The following VAV2 variants were observed in gnomAD, a reference collection of about 807,000 sequenced individuals.
The protein encoded by VAV2 is vav guanine nucleotide exchange factor 2.
VAV2 carries 67 observed loss-of-function variants against 132.5 expected under a neutral mutation model. The observed-to-expected ratio is 0.51, with a 90% CI of 0.42 to 0.62. VAV2 has a LOEUF of 0.62. Among genes scored for constraint, VAV2 ranks in the 20% least tolerant of loss-of-function variants. VAV2 has a pLI of 0.00. For synonymous variants in VAV2, 492 were observed against 443.5 expected, an observed-to-expected ratio of 1.11 and a Z score of -1.37; for missense variants, 938 against 1,153.6, an observed-to-expected ratio of 0.81 and a Z score of 2.71.
chr9:133,770,316 G>A, intron 27 of VAV2, 62 bp downstream of exon 27: 15 of 1,606,718 alleles, frequency 9.3e-6, no homozygotes, highest in Middle Eastern at 1.8e-4. Context: ...TGAGCCCTGG[G>A]AAGTGGGCCA....
intron 21 of VAV2, 148 bp from the exon 22 acceptor site, chr9:133,779,037 C>T: frequency 3.0e-6 from 3 of 1,007,756 alleles, no homozygotes; most frequent in Non-Finnish European, 4.3e-6. Context: ...TAAATCCTTC[C>T]CATAAGCCTC....
At chr9:133,852,197 G>C (rs539915425) in intron 3 of VAV2, among the ~76,000 whole-genome samples, 1 of 151,954 alleles carries the variant, frequency 6.6e-6, no homozygotes, top group African/African-American at 2.4e-5. Flanking sequence ...GGGACGGATG[G>C]ACAGACTGAT....
chr9:133,818,200 T>G (rs897834645), intron 4 of VAV2, among the ~76,000 whole-genome samples: 5 of 150,588 alleles, frequency 3.3e-5, no homozygotes, highest in Non-Finnish European at 7.4e-5. Flanking sequence ...CCGTCTCTAC[T>G]AAAAAAATAC....
At chr9:133,985,492 G>A (rs2132305482) in intron 1 of VAV2, among the ~76,000 whole-genome samples, 1 of 152,254 alleles carries the variant, frequency 6.6e-6, no homozygotes, top group South Asian at 2.1e-4. Context: ...ATATTGGCCA[G>A]ACTGGTCTCA....
At chr9:133,893,092 G>A (rs573969676) in intron 2 of VAV2, among the ~76,000 whole-genome samples, 7 of 152,196 alleles carry the variant, frequency 4.6e-5, no homozygotes, top group Non-Finnish European at 7.3e-5. Flanking sequence ...AGGACAGCAC[G>A]GTCCAAGATC....
intron 2 of VAV2, among the ~76,000 whole-genome samples, chr9:133,932,186 G>A (rs942497571): frequency 3.9e-5 from 6 of 152,202 alleles, no homozygotes; most frequent in African/African-American, 1.2e-4. Context: ...CGCCAGAGCT[G>A]GCGACCCATG....
intron 3 of VAV2, among the ~76,000 whole-genome samples, chr9:133,835,982 CCATACAGCAG>C (rs887066442): frequency 6.6e-5 from 10 of 152,218 alleles, no homozygotes; most frequent in Admixed American, 1.3e-4. Flanking sequence ...CCACCCATCA[CCATACAGCAG>C]CATCCCCCAG....
rs942664306 is a variant in VAV2, at chr9:133,794,644, C to G, written c.1101+1024G>C. Among the ~76,000 whole-genome samples, 3 of 152,122 alleles carry G rather than the reference C, an allele frequency of 2.0e-5. No individual in the cohort carries two copies. The highest frequency in any genetic ancestry group is 7.2e-5 in the African/African-American group (3 of 41,430). On this transcript the variant is annotated intron_variant, in intron 12 of 29. Coordinates refer to ENST00000371850, the MANE Select transcript of VAV2 (RefSeq NM_001134398.2). The surrounding 1 kb of genome is among the most constrained non-coding windows in gnomAD (Gnocchi z 4.6). Reference sequence around the variant, plus strand: ...AGGGCAGGGGCCAGGTGTCAGAGGGCAGGACTGCAGCCCTGAGGGGGGCTG... The same window carrying G: ...AGGGCAGGGGCCAGGTGTCAGAGGGGAGGACTGCAGCCCTGAGGGGGGCTG...
At chr9:133,789,156 C>T in intron 14 of VAV2, 102 bp downstream of exon 14, 1 of 1,273,230 alleles carries the variant, frequency 7.9e-7, no homozygotes, top group Non-Finnish European at 1.1e-6. Context: ...GCTCTTTCCA[C>T]AGGAAGGCCT....
At chr9:133,865,711 TTC>T (rs1463527108) in intron 2 of VAV2, among the ~76,000 whole-genome samples, 1 of 152,234 alleles carries the variant, frequency 6.6e-6, no homozygotes. Flanking sequence ...GCTGATTTGT[TTC>T]TTTTTGAGCA....
At chr9:133,937,359 A>G in intron 2 of VAV2, among the ~76,000 whole-genome samples, 1 of 148,826 alleles carries the variant, frequency 6.7e-6, no homozygotes, top group Non-Finnish European at 1.5e-5. Flanking sequence ...AAGTGTGTGT[A>G]TGTGTGTTTG....
At chr9:133,797,040 C>T (rs1474065073) in intron 10 of VAV2, among the ~76,000 whole-genome samples, 1 of 152,194 alleles carries the variant, frequency 6.6e-6, no homozygotes, top group Non-Finnish European at 1.5e-5. Flanking sequence ...TACTGGGGGG[C>T]CACGCTGCCT....
intron 2 of VAV2, among the ~76,000 whole-genome samples, chr9:133,887,656 A>T (rs535378293): frequency 1.4e-4 from 22 of 152,036 alleles, no homozygotes; most frequent in African/African-American, 5.1e-4. Context: ...GACCCTCCCC[A>T]ACCCCAGCAC....
intron 3 of VAV2, among the ~76,000 whole-genome samples, chr9:133,853,461 T>C (rs1316110147): frequency 6.6e-6 from 1 of 152,118 alleles, no homozygotes; most frequent in Non-Finnish European, 1.5e-5. Flanking sequence ...CTGCTGACGC[T>C]TGCTTGTCCC....
At chr9:133,929,281 G>T (rs1262198437) in intron 2 of VAV2, among the ~76,000 whole-genome samples, 1 of 152,130 alleles carries the variant, frequency 6.6e-6, no homozygotes, top group African/African-American at 2.4e-5. Context: ...ACAGTGGTGG[G>T]TGGGTTTGTG....
chr9:133,800,269 G>A (rs1259700221), intron 9 of VAV2, among the ~76,000 whole-genome samples: 1 of 152,208 alleles, frequency 6.6e-6, no homozygotes, highest in Non-Finnish European at 1.5e-5. Context: ...CACCCCTGTG[G>A]CCCCTTTGAA....
chr9:133,916,638 TGTATTGATCCCA>T (rs1840101953), intron 2 of VAV2, among the ~76,000 whole-genome samples: 1 of 151,990 alleles, frequency 6.6e-6, no homozygotes, highest in Non-Finnish European at 1.5e-5. Flanking sequence ...GGAGTGCCTG[TGTATTGATCCCA>T]GAAGCTGAGC....
chr9:133,871,660 T>C lies in VAV2; in HGVS notation c.322-10228A>G, dbSNP rs549881098. Among the ~76,000 whole-genome samples, 6 of 152,268 alleles carry C rather than the reference T, an allele frequency of 3.9e-5. No homozygotes were observed. The South Asian group carries it at 1.2e-3, about 32-fold the overall frequency. ...TCCCTAATACACCCTTGACAATTTC[T>C]GTACAAATGTCCTCCCTAATGGTGG... On this transcript the variant is annotated intron_variant, in intron 2 of 29. Coordinates refer to ENST00000371850, the MANE Select transcript of VAV2 (RefSeq NM_001134398.2).
chr9:133,796,308 G>T, intron 11 of VAV2, 121 bp downstream of exon 11: 1 of 771,370 alleles, frequency 1.3e-6, no homozygotes, highest in South Asian at 1.8e-5. Context: ...AGCATGAACT[G>T]ACTTGTCTAT....
Sources: gnomAD v4.1 joint callset for allele counts (sites outside exome capture counted in the v4.1 genomes callset) on GRCh38, gnomAD v4.1.1 for gene constraint, Gnocchi (gnomAD v3.1) non-coding constraint, MANE v1.5 for transcripts, NCBI Gene and HGNC (gene_info 2026-07-23, HGNC 2026-07-21) for gene names.